The following KCNQ1 variants were observed in gnomAD, a reference collection of about 807,000 sequenced individuals.
KCNQ1 encodes the protein potassium voltage-gated channel subfamily KQT member 1.
In KCNQ1, 49 loss-of-function variants were observed where a neutral mutation model predicts 72.4. The ratio of observed to expected loss-of-function variants is 0.68; its 90% CI spans 0.54 to 0.86. KCNQ1 has a LOEUF of 0.86. Among genes scored for constraint, KCNQ1 ranks in the 40% least tolerant of loss-of-function variants. The probability of loss-of-function intolerance (pLI) is 0.00; values close to 1 mark genes in which losing one functional copy is unlikely to be tolerated. For missense variants in KCNQ1, 790 were observed against 945.1 expected (o/e 0.84, Z 2.15); for synonymous variants, 450 against 412.6 (o/e 1.09, Z -1.10).
intron 1 of KCNQ1, among the ~76,000 whole-genome samples, chr11:2,467,275 T>G (rs1846365597): frequency 6.6e-6 from 1 of 152,104 alleles, no homozygotes; most frequent in African/African-American, 2.4e-5. Context: ...GCGCCCTTCG[T>G]GGCACCTTGG....
chr11:2,639,050 G>A (rs925393678), intron 10 of KCNQ1: 2 of 152,212 alleles, frequency 1.3e-5, no homozygotes, highest in Non-Finnish European at 2.9e-5. Flanking sequence ...CTTGTGCCAT[G>A]GTTTTCTGCT....
At chr11:2,520,657 C>T (rs1046191765) in intron 1 of KCNQ1, among the ~76,000 whole-genome samples, 10 of 152,164 alleles carry the variant, frequency 6.6e-5, no homozygotes, top group African/African-American at 2.2e-4. Context: ...GCCCTGGAGC[C>T]GGCAGCCACA....
intron 15 of KCNQ1, among the ~76,000 whole-genome samples, chr11:2,802,849 C>T (rs1342584733): frequency 2.0e-5 from 3 of 152,228 alleles, no homozygotes; most frequent in African/African-American, 7.2e-5. Flanking sequence ...CTTGGACGTT[C>T]CCTGAGCATT....
chr11:2,593,439 G>C lies in KCNQ1; in HGVS notation c.1393+4585G>C, dbSNP rs961275419. ...AGGTCGTGGTCTGTGACGTAGGATC[G>C]GGCAGCACGCACCTTTCCACCTGGC... On this transcript the variant is annotated intron_variant, in intron 10 of 15. Transcript: ENST00000155840. The surrounding 1 kb of genome is among the most constrained non-coding windows in gnomAD (Gnocchi z 6.9). Among the ~76,000 whole-genome samples the C allele has an allele frequency of 6.6e-6, 1 of 152,154 alleles. No individual in the cohort carries two copies. The highest frequency in any genetic ancestry group is 2.4e-5 in the African/African-American group (1 of 41,424).
At chr11:2,730,198 A>AG (rs1403071327) in intron 11 of KCNQ1, among the ~76,000 whole-genome samples, 1 of 152,230 alleles carries the variant, frequency 6.6e-6, no homozygotes, top group African/African-American at 2.4e-5. Flanking sequence ...GCACTAGTCC[A>AG]GGCGGAGGAT....
chr11:2,520,870 C>T (rs1396016228), intron 1 of KCNQ1, among the ~76,000 whole-genome samples: 1 of 152,092 alleles, frequency 6.6e-6, no homozygotes, highest in Admixed American at 6.5e-5. Flanking sequence ...ACATTCAAGG[C>T]CCTATCCTGC....
At position 2,445,144 on chromosome 11, in the gene KCNQ1, GGT is replaced by G. The variant is rs1480522268; in HGVS notation, c.47_48del (p.Gly16ValfsTer268). On this transcript the variant is annotated frameshift_variant, in exon 1 of 16. Coordinates refer to ENST00000155840, the MANE Select transcript of KCNQ1 (RefSeq NM_000218.3). LOFTEE classifies it high-confidence loss of function. ...SPPRAERKRW[G>X]WGRLPGARRG... is the part of the protein sequence containing the mutation. ...GCCCAGGGCCGAGAGGAAGCGCTGG[GGT>G]TGGGGCCGCCTGCCAGGCGCCCGGC... 8.9e-7 allele frequency: 1 copy of G among 1,129,266 alleles called. No homozygotes were observed. Among genetic ancestry groups the G allele is most frequent in the South Asian group, 3.2e-5 (1 of 31,088 alleles). The allele number at this position is 1,129,266 out of a possible 1,614,324, so 70.0% of individuals were successfully genotyped here.
intron 2 of KCNQ1, among the ~76,000 whole-genome samples, chr11:2,539,909 G>A (rs983175972): frequency 2.0e-5 from 3 of 152,230 alleles, no homozygotes; most frequent in African/African-American, 7.2e-5. Context: ...TTATGTCCTT[G>A]TTTTCACATC....
intron 6 of KCNQ1, among the ~76,000 whole-genome samples, chr11:2,577,040 C>A (rs560883008): frequency 5.3e-5 from 8 of 152,346 alleles, no homozygotes; most frequent in African/African-American, 1.7e-4. Flanking sequence ...CAATGCAGGG[C>A]CCGCTGCAAG....
Position 2,699,333 on chromosome 11 carries a change from C to T in KCNQ1, c.1514+37252C>T, listed in dbSNP as rs1316708048. ...CCGCGGGGCACACAGCTCACCTCAG[C>T]AACGCCAGTGATCACCCGTCCCGCG... On this transcript the variant is annotated intron_variant, in intron 11 of 15. Transcript: ENST00000155840. 19 of 399,112 alleles carry T rather than the reference C, an allele frequency of 4.8e-5. 1 individual carries two copies. The East Asian group carries it at 6.8e-4, about 14-fold the overall frequency. The allele number at this position is 399,112 out of a possible 1,614,324, so 24.7% of individuals were successfully genotyped here. A position where few individuals can be genotyped will look rare whatever the true frequency, so the allele number is the denominator to read the frequency against.
At chr11:2,582,079 C>T (rs1356442460) in intron 6 of KCNQ1, among the ~76,000 whole-genome samples, 1 of 152,196 alleles carries the variant, frequency 6.6e-6, no homozygotes, top group African/African-American at 2.4e-5. Context: ...GGCCTGGCGG[C>T]GGTGGCTGGC....
At chr11:2,466,106 C>T (rs1050353554) in intron 1 of KCNQ1, among the ~76,000 whole-genome samples, 30 of 152,170 alleles carry the variant, frequency 2.0e-4, no homozygotes, top group African/African-American at 6.8e-4. Flanking sequence ...GGCTCAGGGA[C>T]GTTTTTGAGT....
chr11:2,516,519 A>G lies in KCNQ1; in HGVS notation c.387-11409A>G, dbSNP rs1256809582. On this transcript the variant is annotated intron_variant, in intron 1 of 15. Coordinates refer to ENST00000155840, the MANE Select transcript of KCNQ1 (RefSeq NM_000218.3). The surrounding 1 kb of genome is among the most constrained non-coding windows in gnomAD (Gnocchi z 7.0). The stretch of plus-strand genomic sequence containing the variant: ...GCCTTTGAGATGGACAGGGAGCTGG[A>G]CCTTCCCAATTCGGTTGCCCTTGCT... 6.6e-6 allele frequency among the ~76,000 whole-genome samples: 1 copy of G among 152,050 alleles called. No individual in the cohort carries two copies. The highest frequency in any genetic ancestry group is 1.5e-5 in the Non-Finnish European group (1 of 68,010).
At chr11:2,688,423 C>A (rs995887020) in intron 11 of KCNQ1, 5 of 398,630 alleles carry the variant, frequency 1.3e-5, no homozygotes, top group African/African-American at 1.0e-4. Flanking sequence ...AGGCACTGGG[C>A]CCCAGCCCCT....
intron 2 of KCNQ1, among the ~76,000 whole-genome samples, chr11:2,553,908 G>T (rs1848030843): frequency 6.6e-6 from 1 of 152,086 alleles, no homozygotes; most frequent in South Asian, 2.1e-4. Flanking sequence ...GTAGAGATAG[G>T]GTTTCACCAT....
At chr11:2,797,036 G>A (rs1847150140) in intron 15 of KCNQ1, among the ~76,000 whole-genome samples, 1 of 152,194 alleles carries the variant, frequency 6.6e-6, no homozygotes, top group African/African-American at 2.4e-5. Flanking sequence ...GGCAAGTGGC[G>A]GCAAACCGTC....
rs534786130 is a variant in KCNQ1 at position 2,511,058 on chromosome 11, C to T, written c.387-16870C>T. Among the ~76,000 whole-genome samples, 12 of 152,260 alleles carry T rather than the reference C, an allele frequency of 7.9e-5. No individual in the cohort carries two copies. The South Asian group carries it at 1.2e-3, about 16-fold the overall frequency. ...GGTGGTGGTTTTATGTGTTCATTTA[C>T]GGTTTATTTTCTCTCTCCCTGTGTC... On this transcript the variant is annotated intron_variant, in intron 1 of 15. Coordinates refer to ENST00000155840, the MANE Select transcript of KCNQ1 (RefSeq NM_000218.3).
intron 10 of KCNQ1, chr11:2,646,265 G>C (rs1849663861): frequency 2.5e-6 from 1 of 398,476 alleles, no homozygotes; most frequent in South Asian, 1.3e-4. Context: ...TATCTGGATA[G>C]GGATTTCATA....
intron 2 of KCNQ1, among the ~76,000 whole-genome samples, chr11:2,534,528 G>T (rs1226962572): frequency 6.6e-6 from 1 of 152,240 alleles, no homozygotes; most frequent in East Asian, 1.9e-4. Context: ...CGCCCTGCCT[G>T]GTGAGCTCCT....
Sources: gnomAD v4.1 joint callset for allele counts (sites outside exome capture counted in the v4.1 genomes callset) on GRCh38, gnomAD v4.1.1 for gene constraint, Gnocchi (gnomAD v3.1) non-coding constraint, MANE v1.5 for transcripts, NCBI Gene and HGNC (gene_info 2026-07-23, HGNC 2026-07-21) for gene names.